DAAM1: variants seen among roughly 807,000 people sequenced by gnomAD.
The protein encoded by DAAM1 is disheveled-associated activator of morphogenesis 1.
A neutral mutation model predicts 130.0 loss-of-function variants in DAAM1; 52 were observed. The ratio of observed to expected loss-of-function variants is 0.40; its 90% confidence interval spans 0.32 to 0.50. The LOEUF (loss-of-function observed/expected upper bound fraction) is 0.50. Ranked by LOEUF, DAAM1 falls within the 20% of genes least tolerant of loss-of-function variation. DAAM1 has a pLI of 0.61. For synonymous variants in DAAM1, 452 were observed against 444.5 expected, an observed-to-expected ratio of 1.02 and a Z score of -0.21; for missense variants, 1,134 against 1,303.8, an observed-to-expected ratio of 0.87 and a Z score of 2.01.
chr14:59,282,673 C>T (rs964493917), intron 2 of DAAM1, among the ~76,000 whole-genome samples: 1 of 152,100 alleles, frequency 6.6e-6, no homozygotes, highest in African/African-American at 2.4e-5. Context: ...CCACTGTTTA[C>T]CAGCTTTGTT....
chr14:59,340,836 A>G (rs1040546013), intron 16 of DAAM1, among the ~76,000 whole-genome samples: 17 of 152,182 alleles, frequency 1.1e-4, no homozygotes, highest in Non-Finnish European at 1.8e-4. Flanking sequence ...GCTTTTCTGT[A>G]TCTAGTTTCT....
At chr14:59,257,507 A>G (rs1176699387) in intron 1 of DAAM1, among the ~76,000 whole-genome samples, 1 of 138,100 alleles carries the variant, frequency 7.2e-6, no homozygotes, top group Non-Finnish European at 1.6e-5. Flanking sequence ...TGAGTGGAAG[A>G]GAGCCAGATA....
intron 14 of DAAM1, 68 bp downstream of exon 14, chr14:59,331,576 G>T (rs924642172): frequency 7.2e-6 from 11 of 1,517,244 alleles, no homozygotes; most frequent in South Asian, 2.7e-5. Flanking sequence ...ATCACTGAAA[G>T]GGAAAACAGC....
intron 1 of DAAM1, among the ~76,000 whole-genome samples, chr14:59,225,320 C>T (rs966434757): frequency 1.7e-4 from 26 of 152,098 alleles, no homozygotes; most frequent in African/African-American, 5.3e-4. Context: ...GCCACCGTGC[C>T]CAACCATAAA....
At position 59,323,452 on chromosome 14, in the gene DAAM1, G is replaced by A. The variant is rs150011461; in HGVS notation, c.774+227G>A. On this transcript the variant is annotated intron_variant, in intron 6 of 24. Transcript: ENST00000360909. ...CTTTAGATTTGCAGAACTTGAAAATGTGGTCTTGCATCCTATATGTCATAT... is the reference window on the plus strand; with the variant it reads ...CTTTAGATTTGCAGAACTTGAAAATATGGTCTTGCATCCTATATGTCATAT... Among the ~76,000 whole-genome samples the A allele has an allele frequency of 2.4e-3, 372 of 152,322 alleles. 4 individuals carry two copies. Among genetic ancestry groups the A allele is most frequent in the African/African-American group, 8.3e-3 (345 of 41,562 alleles).
intron 16 of DAAM1, among the ~76,000 whole-genome samples, chr14:59,342,037 A>G (rs545073022): frequency 5.3e-5 from 8 of 152,288 alleles, no homozygotes; most frequent in African/African-American, 1.9e-4. Flanking sequence ...TCTGTTATTG[A>G]GGGAATTAGT....
chr14:59,257,592 T>C (rs941048221), intron 1 of DAAM1, among the ~76,000 whole-genome samples: 1 of 152,148 alleles, frequency 6.6e-6, no homozygotes, highest in Non-Finnish European at 1.5e-5. Context: ...GACTGATGAG[T>C]GCACGCACGT....
intron 3 of DAAM1, among the ~76,000 whole-genome samples, chr14:59,312,490 G>A (rs1383957617): frequency 6.6e-6 from 1 of 152,212 alleles, no homozygotes; most frequent in Non-Finnish European, 1.5e-5. Context: ...GGTGAGAGAA[G>A]TGTATCACAG....
intron 3 of DAAM1, among the ~76,000 whole-genome samples, chr14:59,308,987 C>T (rs1408065244): frequency 6.6e-6 from 1 of 152,166 alleles, no homozygotes; most frequent in African/African-American, 2.4e-5. Flanking sequence ...GATTGGCAGT[C>T]CCAGGGACCA....
chr14:59,226,164 T>A (rs1888937677), intron 1 of DAAM1, among the ~76,000 whole-genome samples: 1 of 152,156 alleles, frequency 6.6e-6, no homozygotes, highest in South Asian at 2.1e-4. Context: ...TGGTAGAATA[T>A]CCCCTGGGAC....
chr14:59,262,222 G>C (rs570011681), intron 1 of DAAM1, among the ~76,000 whole-genome samples: 8 of 152,166 alleles, frequency 5.3e-5, no homozygotes, highest in African/African-American at 1.9e-4. Context: ...GGGATTTGCT[G>C]TCTATCCTTC....
At chr14:59,330,377 A>G (rs1885379011) in intron 12 of DAAM1, 124 bp from the exon 13 acceptor site, 2 of 879,094 alleles carry the variant, frequency 2.3e-6, no homozygotes, top group South Asian at 2.1e-5. Context: ...GAGAAGAGGA[A>G]TAATATTTAC....
chr14:59,251,392 G>T (rs1290429828), intron 1 of DAAM1, among the ~76,000 whole-genome samples: 2 of 150,582 alleles, frequency 1.3e-5, no homozygotes, highest in African/African-American at 2.4e-5. Flanking sequence ...ATTGCCCATT[G>T]TGGGGCTGAG....
At chr14:59,197,932 T>G (rs1322938381) in intron 1 of DAAM1, among the ~76,000 whole-genome samples, 2 of 152,198 alleles carry the variant, frequency 1.3e-5, no homozygotes, top group Non-Finnish European at 2.9e-5. Context: ...GTGAGGCAGC[T>G]GGGAGAGGAA....
intron 3 of DAAM1, among the ~76,000 whole-genome samples, chr14:59,299,310 G>C (rs955145285): frequency 1.3e-5 from 2 of 152,194 alleles, no homozygotes; most frequent in Non-Finnish European, 2.9e-5. Context: ...TTTACTAGTT[G>C]TATGACCTGG....
intron 17 of DAAM1, among the ~76,000 whole-genome samples, chr14:59,350,747 G>A (rs1886260372): frequency 6.6e-6 from 1 of 152,036 alleles, no homozygotes; most frequent in East Asian, 1.9e-4. Flanking sequence ...TCTTCCCATG[G>A]CCCTGTGAGC....
intron 1 of DAAM1, among the ~76,000 whole-genome samples, chr14:59,199,814 A>G (rs1888041681): frequency 6.6e-6 from 1 of 152,136 alleles, no homozygotes; most frequent in Admixed American, 6.5e-5. Flanking sequence ...AGGATGTTTA[A>G]CAGCATCCCT....
chr14:59,315,529 A>G (rs968796594), intron 4 of DAAM1, among the ~76,000 whole-genome samples, 178 bp downstream of exon 4: 1 of 152,178 alleles, frequency 6.6e-6, no homozygotes, highest in African/African-American at 2.4e-5. Context: ...TACTTGGCAA[A>G]GTGATTTTTC....
intron 2 of DAAM1, among the ~76,000 whole-genome samples, chr14:59,278,356 A>T (rs1426467373): frequency 6.6e-6 from 1 of 152,172 alleles, no homozygotes; most frequent in Non-Finnish European, 1.5e-5. Flanking sequence ...CAAGGAATGT[A>T]TACAGCCTGA....
Sources: gnomAD v4.1 joint callset for allele counts (sites outside exome capture counted in the v4.1 genomes callset) on GRCh38, gnomAD v4.1.1 for gene constraint, MANE v1.5 for transcripts, NCBI Gene and HGNC (gene_info 2026-07-23, HGNC 2026-07-21) for gene names.